PPEF2: variants seen among roughly 807,000 people sequenced by gnomAD.
The protein encoded by PPEF2 is protein phosphatase with EF-hand domain 2, also known as serine/threonine-protein phosphatase with EF-hands 2.
In PPEF2, 84 loss-of-function variants were observed where a neutral mutation model predicts 84.7. That is an observed-to-expected ratio of 0.99 (90% confidence interval 0.83 to 1.19). The LOEUF (loss-of-function observed/expected upper bound fraction) is 1.19. PPEF2 is among the 50% of genes most tolerant of loss of function. PPEF2 has a pLI of 0.00. For synonymous variants in PPEF2, 346 were observed against 345.2 expected (o/e 1.00, Z -0.03); for missense variants, 924 against 937.5 (o/e 0.99, Z 0.19).
chr4:75,864,585 T>G (rs554547863), intron 15 of PPEF2, 58 bp from the exon 16 acceptor site: 2 of 1,259,084 alleles, frequency 1.6e-6, no homozygotes, highest in African/African-American at 3.0e-5. Context: ...TTCCAATATA[T>G]AATTAACACA....
chr4:75,873,002 A>G (rs1343959747), intron 12 of PPEF2, 125 bp downstream of exon 12: 6 of 928,442 alleles, frequency 6.5e-6, no homozygotes, highest in Admixed American at 5.9e-5. Context: ...TGCTTTGAGC[A>G]AGTAGGTAAC....
chr4:75,898,548 C>T (rs1015953108), intron 1 of PPEF2, among the ~76,000 whole-genome samples: 1 of 152,228 alleles, frequency 6.6e-6, no homozygotes, highest in Admixed American at 6.5e-5. Context: ...ACATTTCCAT[C>T]ACTGCAATAC....
In PPEF2 at chr4:75,891,711, G is replaced by A. The variant is rs567171359; in HGVS notation, c.184-6C>T. ...TAGCTGAAGAAGTCATGGAGCTGCA[G>A]AAGAACCCAAGGAGACGTGGCTTTA... On this transcript the variant is annotated splice_polypyrimidine_tract_variant and splice_region_variant and intron_variant, in intron 3 of 16. Coordinates refer to ENST00000286719, the MANE Select transcript of PPEF2 (RefSeq NM_006239.3). The A allele has an allele frequency of 2.5e-6, 4 of 1,610,546 alleles. No individual in the cohort carries two copies. The Admixed American group carries it at 5.1e-5, about 20-fold the overall frequency.
chr4:75,875,767 T>C (rs75653918), intron 11 of PPEF2, among the ~76,000 whole-genome samples: 3,234 of 152,268 alleles, frequency 0.021, 115 homozygotes, highest in African/African-American at 0.073. Context: ...GCCTACTCAA[T>C]GTCCATTCTC....
In PPEF2 at chr4:75,876,433, T is replaced by C; in HGVS notation, c.1174A>G (p.Ser392Gly). The change falls in exon 11 of 17, where the codon AGC becomes GGC. Residue 392 changes from serine (S) to glycine (G), a missense_variant. By Grantham distance (56) the Ser-to-Gly change is moderately conservative. Transcript: ENST00000286719. ...DGRELSRQVR[S>G]SVELELERCR... Reference sequence around the variant, plus strand: ...CGCTCTAGCTCCAGTTCCACGGAGCTCCGCACCTGCCGGGAGAGCTCCCGC... The same window carrying C: ...CGCTCTAGCTCCAGTTCCACGGAGCCCCGCACCTGCCGGGAGAGCTCCCGC... 2.5e-6 allele frequency: 4 copies of C among 1,614,064 alleles called. No individual in the cohort carries two copies. The highest frequency in any genetic ancestry group is 1.7e-4 in the Middle Eastern group (1 of 6,050).
In PPEF2 at chr4:75,876,606, G is replaced by A; in HGVS notation, c.1001C>T (p.Ala334Val). The change falls in exon 11 of 17, where the codon GCC becomes GTC. Residue 334 changes from alanine to valine, a missense_variant. Physicochemically the swap from Ala to Val is moderately conservative, Grantham distance 64. Transcript: ENST00000286719. Reference protein sequence around the residue: ...SEKQMEEKRRANQKSSAQGPI... With the variant: ...SEKQMEEKRRVNQKSSAQGPI... ...TCCCTGTGCAGAGCTCTTCTGGTTGGCTCTTCTCTTCTCCTCCATCTGCTT... is the reference window on the plus strand; with the variant it reads ...TCCCTGTGCAGAGCTCTTCTGGTTGACTCTTCTCTTCTCCTCCATCTGCTT... The A allele has an allele frequency of 6.2e-7, 1 of 1,606,716 alleles. No individual in the cohort carries two copies. The highest frequency in any genetic ancestry group is 2.2e-5 in the East Asian group (1 of 44,748).
In PPEF2 at chr4:75,866,644, G is replaced by T. The variant is rs114365870; in HGVS notation, c.1757-292C>A. The T allele has an allele frequency of 4.7e-3, 1,831 of 393,554 alleles. 34 individuals carry two copies. Among genetic ancestry groups the T allele is most frequent in the African/African-American group, 0.035 (1,711 of 48,826 alleles). 24.4% of individuals were successfully genotyped at this position (393,554 alleles called of 1,614,324 possible). A position where few individuals can be genotyped will look rare whatever the true frequency, so the allele number is the denominator to read the frequency against. On this transcript the variant is annotated intron_variant, in intron 14 of 16. Transcript: ENST00000286719. Reference sequence around the variant, plus strand: ...TGTTTGTCTGTAATTCAAACTTATTGAGGCATTTTACATTTTTGTTTACTA... The same window carrying T: ...TGTTTGTCTGTAATTCAAACTTATTTAGGCATTTTACATTTTTGTTTACTA...
chr4:75,884,242 C>T (rs1371233186), intron 8 of PPEF2, among the ~76,000 whole-genome samples: 2 of 152,014 alleles, frequency 1.3e-5, no homozygotes, highest in Non-Finnish European at 1.5e-5. Context: ...ACCAGCCTGG[C>T]CAACATGGTG....
In PPEF2 at chr4:75,882,590, T is replaced by C. The variant is rs1724606174; in HGVS notation, c.933+336A>G. ...CTCACTGTGTCCCTGCAAGATGGAG[T>C]GCAATGGCAATCAGAGCTCACTGCA... is the stretch of plus-strand genomic sequence containing the variant. On this transcript the variant is annotated intron_variant, in intron 10 of 16. Transcript: ENST00000286719. Among the ~76,000 whole-genome samples, 3 of 150,610 alleles carry C rather than the reference T, an allele frequency of 2.0e-5. No homozygotes were observed. In the South Asian group the frequency reaches 6.3e-4, roughly 31 times the overall value.
chr4:75,882,752 TA>T, intron 10 of PPEF2, 173 bp downstream of exon 10: 1 of 618,324 alleles, frequency 1.6e-6, no homozygotes, highest in Non-Finnish European at 2.6e-6. Context: ...TCCTGTCTTC[TA>T]AAGTGCTGAG....
chr4:75,894,526 C>T (rs940867011), intron 2 of PPEF2, among the ~76,000 whole-genome samples: 1 of 152,112 alleles, frequency 6.6e-6, no homozygotes, highest in Admixed American at 6.5e-5. Context: ...GGGAGATCTC[C>T]GGGTGCCAGA....
chr4:75,866,160 G>A, intron 15 of PPEF2, 29 bp downstream of exon 15: 2 of 1,583,864 alleles, frequency 1.3e-6, no homozygotes, highest in Non-Finnish European at 1.7e-6. Context: ...GTCCACATGT[G>A]CTCTCATCCA....
At chr4:75,868,937 A>T (rs1578002297) in intron 13 of PPEF2, among the ~76,000 whole-genome samples, 1 of 152,118 alleles carries the variant, frequency 6.6e-6, no homozygotes, top group Non-Finnish European at 1.5e-5. Flanking sequence ...TGAGCCCAGG[A>T]GTTCGAGGTT....
At chr4:75,893,487 G>GACACACACAC (rs10624574) in intron 2 of PPEF2, among the ~76,000 whole-genome samples, 117 of 148,934 alleles carry the variant, frequency 7.9e-4, no homozygotes, top group African/African-American at 2.8e-3. Flanking sequence ...TAGAGACTCT[G>GACACACACAC]ACACACACAC....
At chr4:75,897,104 C>T (rs1365813206) in intron 1 of PPEF2, among the ~76,000 whole-genome samples, 4 of 152,094 alleles carry the variant, frequency 2.6e-5, no homozygotes, top group Admixed American at 1.3e-4. Context: ...CCGCTTGCCT[C>T]GGCCTCCCAA....
chr4:75,875,201 G>A (rs1344079474), intron 11 of PPEF2, among the ~76,000 whole-genome samples: 2 of 152,054 alleles, frequency 1.3e-5, no homozygotes, highest in South Asian at 2.1e-4. Context: ...CACTGCGCCC[G>A]GCTGAATTCA....
At chr4:75,873,335 T>G (rs1206207725) in intron 11 of PPEF2, 23 bp from the exon 12 acceptor site, 1 of 1,576,832 alleles carries the variant, frequency 6.3e-7, no homozygotes, top group East Asian at 2.3e-5. Flanking sequence ...AGAGATGATT[T>G]CCTTCCCAAA....
At chr4:75,867,450 A>G (rs1724158818) in intron 13 of PPEF2, 31 bp from the exon 14 acceptor site, 1 of 1,429,334 alleles carries the variant, frequency 7.0e-7, no homozygotes, top group Admixed American at 1.7e-5. Context: ...CGACATTTTA[A>G]CACACTGGTA....
chr4:75,895,823 A>G (rs1165917335), intron 2 of PPEF2, among the ~76,000 whole-genome samples: 1 of 151,692 alleles, frequency 6.6e-6, no homozygotes, highest in Admixed American at 6.6e-5. Flanking sequence ...AGATTCTCTC[A>G]TCTCAGCCTT....
Sources: gnomAD v4.1 joint callset for allele counts (sites outside exome capture counted in the v4.1 genomes callset) on GRCh38, gnomAD v4.1.1 for gene constraint, MANE v1.5 for transcripts, NCBI Gene and HGNC (gene_info 2026-07-23, HGNC 2026-07-21) for gene names.